CDK15: variants seen among roughly 807,000 people sequenced by gnomAD.
CDK15 encodes the protein cyclin dependent kinase 15.
CDK15 carries 62 observed loss-of-function variants against 60.3 expected under a neutral mutation model. The ratio of observed to expected loss-of-function variants is 1.03; its 90% CI spans 0.84 to 1.27. The LOEUF is 1.27. CDK15 is among the 50% of genes most tolerant of loss of function. The pLI is 0.00. For missense variants in CDK15, 541 were observed against 527.8 expected, an observed-to-expected ratio of 1.03 and a Z score of -0.25; for synonymous variants, 194 against 195.7, an observed-to-expected ratio of 0.99 and a Z score of 0.07.
At chr2:201,824,131 C>A (rs1313083307) in intron 6 of CDK15, among the ~76,000 whole-genome samples, 2 of 152,182 alleles carry the variant, frequency 1.3e-5, no homozygotes, top group African/African-American at 2.4e-5. Flanking sequence ...CTTGTACTAG[C>A]AGATCCTATT....
chr2:201,874,946 C>T (rs1490095133), intron 11 of CDK15, among the ~76,000 whole-genome samples: 1 of 151,526 alleles, frequency 6.6e-6, no homozygotes, highest in East Asian at 1.9e-4. Context: ...TACTGACCAG[C>T]CTGTCCTGCA....
chr2:201,827,257 G>T (rs978443272), intron 6 of CDK15, among the ~76,000 whole-genome samples: 12 of 152,058 alleles, frequency 7.9e-5, no homozygotes, highest in Middle Eastern at 3.2e-3. Context: ...ACTAGCATGG[G>T]CAACATAGCA....
chr2:201,886,347 T>G (rs1354605458), intron 12 of CDK15, among the ~76,000 whole-genome samples: 1 of 151,344 alleles, frequency 6.6e-6, no homozygotes, highest in African/African-American at 2.4e-5. Context: ...TTTTTTGAGA[T>G]GGACTTTTGC....
chr2:201,892,453 G>C (rs1337993939), intron 13 of CDK15, among the ~76,000 whole-genome samples: 1 of 152,132 alleles, frequency 6.6e-6, no homozygotes, highest in Non-Finnish European at 1.5e-5. Context: ...TTGCCTTTCT[G>C]ATCTACAGTG....
At chr2:201,818,964 AAAAAC>A (rs145923828) in intron 4 of CDK15, among the ~76,000 whole-genome samples, 9 of 151,832 alleles carry the variant, frequency 5.9e-5, no homozygotes, top group African/African-American at 1.7e-4. Context: ...AATAAGCAAA[AAAAAC>A]AAAACAAAAC....
chr2:201,865,329 G>A (rs1245536813), intron 10 of CDK15, among the ~76,000 whole-genome samples: 1 of 151,526 alleles, frequency 6.6e-6, no homozygotes, highest in African/African-American at 2.4e-5. Context: ...TCTAAGAGAG[G>A]GGAGAGTCCT....
At chr2:201,828,870 C>T (rs1461133981) in intron 6 of CDK15, among the ~76,000 whole-genome samples, 4 of 152,156 alleles carry the variant, frequency 2.6e-5, no homozygotes, top group African/African-American at 9.7e-5. Flanking sequence ...ATCAACTTAA[C>T]CTTCAACCCC....
At chr2:201,827,014 G>A (rs1696537838) in intron 6 of CDK15, among the ~76,000 whole-genome samples, 1 of 152,206 alleles carries the variant, frequency 6.6e-6, no homozygotes, top group South Asian at 2.1e-4. Context: ...GTGATTCTTA[G>A]TTAAAATTCT....
At chr2:201,880,313 G>T (rs1344247912) in intron 12 of CDK15, 146 bp downstream of exon 12, 4 of 992,952 alleles carry the variant, frequency 4.0e-6, no homozygotes, top group African/African-American at 1.6e-5. Context: ...AGTTTGCCTG[G>T]GAGAAGCAAG....
At chr2:201,844,892 T>C (rs911272673) in intron 8 of CDK15, among the ~76,000 whole-genome samples, 3 of 152,182 alleles carry the variant, frequency 2.0e-5, no homozygotes, top group Non-Finnish European at 2.9e-5. Context: ...CTCACACCTG[T>C]AATTCCAGCA....
intron 6 of CDK15, among the ~76,000 whole-genome samples, chr2:201,829,863 AGTGGCG>A (rs1238103234): frequency 1.3e-5 from 2 of 151,954 alleles, no homozygotes; most frequent in African/African-American, 4.8e-5. Flanking sequence ...GCTGGAGTGC[AGTGGCG>A]CAAACTCAGC....
intron 10 of CDK15, 24 bp from the exon 11 acceptor site, chr2:201,872,254 T>C: frequency 6.2e-7 from 1 of 1,613,854 alleles, no homozygotes; most frequent in Non-Finnish European, 8.5e-7. Flanking sequence ...TTTTATTTTT[T>C]AACGCCCTCT....
intron 10 of CDK15, chr2:201,861,082 T>C (rs1698373854): frequency 1.9e-6 from 2 of 1,072,236 alleles, no homozygotes; most frequent in Non-Finnish European, 2.3e-6. Flanking sequence ...AAGATATTGA[T>C]AAAAGAGGCT....
intron 3 of CDK15, among the ~76,000 whole-genome samples, chr2:201,809,249 C>T (rs1014540273): frequency 6.6e-6 from 1 of 152,210 alleles, no homozygotes; most frequent in Admixed American, 6.5e-5. Context: ...CACTTCTGAT[C>T]CTCTCTTCTG....
At position 201,893,511 on chromosome 2, in the gene CDK15, T is replaced by TA. The variant is rs922944578; in HGVS notation, c.*251dup. 1 of 152,198 alleles carries TA rather than the reference T, an allele frequency of 6.6e-6. No individual in the cohort carries two copies. The highest frequency in any genetic ancestry group is 6.5e-5 in the Admixed American group (1 of 15,280). 9.4% of individuals were successfully genotyped at this position (152,198 alleles called of 1,614,324 possible). ...TTGCATAGAATTTAAGTGATTGATT[T>TA]AAAAAAACTGGACATAAACTAAGTC... is the stretch of plus-strand genomic sequence containing the variant. On this transcript the variant is annotated 3_prime_UTR_variant, in exon 14 of 14. Coordinates refer to ENST00000652192, the MANE Select transcript of CDK15 (RefSeq NM_001366386.2).
At chr2:201,827,360 G>T (rs562040819) in intron 6 of CDK15, among the ~76,000 whole-genome samples, 8 of 152,134 alleles carry the variant, frequency 5.3e-5, no homozygotes, top group Non-Finnish European at 1.0e-4. Flanking sequence ...TGGGTGGATC[G>T]CTTGAGCACA....
intron 11 of CDK15, among the ~76,000 whole-genome samples, chr2:201,875,821 A>T (rs771465867): frequency 7.9e-5 from 12 of 152,224 alleles, no homozygotes; most frequent in Admixed American, 1.3e-4. Flanking sequence ...GTATCAGAGG[A>T]TTATCTCAGA....
chr2:201,865,203 G>C (rs1028856992), intron 10 of CDK15, among the ~76,000 whole-genome samples: 4 of 152,160 alleles, frequency 2.6e-5, no homozygotes, highest in African/African-American at 9.7e-5. Flanking sequence ...GAGACTACAA[G>C]GAGTTGTCAA....
At chr2:201,886,740 T>A (rs1469676788) in intron 12 of CDK15, among the ~76,000 whole-genome samples, 1 of 152,124 alleles carries the variant, frequency 6.6e-6, no homozygotes, top group African/African-American at 2.4e-5. Flanking sequence ...AAATAGCAAT[T>A]TATGCAAGAG....
Sources: gnomAD v4.1 joint callset for allele counts (sites outside exome capture counted in the v4.1 genomes callset) on GRCh38, gnomAD v4.1.1 for gene constraint, MANE v1.5 for transcripts, NCBI Gene and HGNC (gene_info 2026-07-23, HGNC 2026-07-21) for gene names.